CSMD1: variants seen among roughly 807,000 people sequenced by gnomAD.
The protein encoded by CSMD1 is CUB and Sushi multiple domains 1.
Under a neutral mutation model 417.5 loss-of-function variants are expected in CSMD1, and 213 were observed. The observed-to-expected ratio is 0.51, with a 90% CI of 0.46 to 0.57. The LOEUF (loss-of-function observed/expected upper bound fraction) is 0.57, where lower values mean the gene tolerates loss of function less well. Among genes scored for constraint, CSMD1 ranks in the 20% least tolerant of loss-of-function variants. CSMD1 has a pLI of 0.00. For synonymous variants in CSMD1, 2,862 were observed against 1,736.8 expected, an observed-to-expected ratio of 1.65 and a Z score of -16.11; for missense variants, 6,923 against 4,529.7, an observed-to-expected ratio of 1.53 and a Z score of -15.17.
chr8:4,094,382 A>G (rs1800889496), intron 3 of CSMD1, among the ~76,000 whole-genome samples: 1 of 152,010 alleles, frequency 6.6e-6, no homozygotes, highest in African/African-American at 2.4e-5. Flanking sequence ...AGTGGGTCAT[A>G]TTTAGTTTTG....
intron 1 of CSMD1, among the ~76,000 whole-genome samples, chr8:4,884,222 T>C (rs1044326536): frequency 2.0e-5 from 3 of 151,784 alleles, no homozygotes; most frequent in Non-Finnish European, 4.4e-5. Flanking sequence ...TGTGTGTGTG[T>C]ACACACACAC....
intron 1 of CSMD1, among the ~76,000 whole-genome samples, chr8:4,911,193 C>T (rs1805647311): frequency 1.3e-5 from 2 of 152,208 alleles, no homozygotes; most frequent in African/African-American, 4.8e-5. Context: ...TACCAATGCA[C>T]ATTAAAGATT....
chr8:3,296,563 A>G (rs1803982780), intron 25 of CSMD1, among the ~76,000 whole-genome samples: 1 of 152,156 alleles, frequency 6.6e-6, no homozygotes, highest in Non-Finnish European at 1.5e-5. Context: ...TCTGTTGACA[A>G]CATGCCATGG....
chr8:3,599,176 T>TGTGA (rs1554483066), intron 8 of CSMD1, among the ~76,000 whole-genome samples: 234 of 151,158 alleles, frequency 1.5e-3, no homozygotes, highest in South Asian at 7.3e-3. Flanking sequence ...TGTGTGTGTG[T>TGTGA]GTGTGAGATG....
At chr8:4,327,937 A>C (rs1173212997) in intron 3 of CSMD1, among the ~76,000 whole-genome samples, 1 of 152,138 alleles carries the variant, frequency 6.6e-6, no homozygotes, top group Non-Finnish European at 1.5e-5. Context: ...TAATTGGCAC[A>C]TTTTCCACTG....
intron 2 of CSMD1, among the ~76,000 whole-genome samples, chr8:4,525,661 C>G (rs1796476474): frequency 6.6e-6 from 1 of 152,158 alleles, no homozygotes; most frequent in Admixed American, 6.5e-5. Flanking sequence ...GCCACAACCA[C>G]AATTACTTTT....
intron 5 of CSMD1, among the ~76,000 whole-genome samples, chr8:3,906,917 C>G (rs183961557): frequency 1.3e-5 from 2 of 152,270 alleles, no homozygotes; most frequent in East Asian, 1.9e-4. Flanking sequence ...CTGAACTTGA[C>G]AAGTGAACCT....
intron 49 of CSMD1, among the ~76,000 whole-genome samples, chr8:3,054,338 C>T (rs538534311): frequency 1.8e-4 from 27 of 152,150 alleles, no homozygotes; most frequent in Non-Finnish European, 3.5e-4. Flanking sequence ...TACATGTGGG[C>T]CGGGCACAGT....
At chr8:3,031,629 G>C (rs1810347009) in intron 50 of CSMD1, among the ~76,000 whole-genome samples, 2 of 151,790 alleles carry the variant, frequency 1.3e-5, no homozygotes, top group Non-Finnish European at 2.9e-5. Context: ...TGAAGTCTTG[G>C]GTCAAGTGAT....
At chr8:3,857,894 T>A (rs1458884173) in intron 5 of CSMD1, among the ~76,000 whole-genome samples, 1 of 152,238 alleles carries the variant, frequency 6.6e-6, no homozygotes, top group East Asian at 1.9e-4. Context: ...AGGGATTGCT[T>A]CCGTCCTTAA....
chr8:4,067,866 C>T (rs1417325382), intron 3 of CSMD1, among the ~76,000 whole-genome samples: 3 of 152,068 alleles, frequency 2.0e-5, no homozygotes, highest in African/African-American at 7.2e-5. Context: ...ATCATGAGGT[C>T]AAGAGATGGA....
chr8:4,386,945 T>C (rs547387231), intron 3 of CSMD1, among the ~76,000 whole-genome samples: 3 of 152,094 alleles, frequency 2.0e-5, no homozygotes, highest in East Asian at 3.8e-4. Context: ...GATAGAAAAA[T>C]CATGAAGTGT....
chr8:4,124,224 G>A (rs1483653148), intron 3 of CSMD1, among the ~76,000 whole-genome samples: 2 of 152,154 alleles, frequency 1.3e-5, no homozygotes, highest in African/African-American at 4.8e-5. Context: ...GGGCTCCTGG[G>A]CAGGGGAGTG....
At chr8:4,193,799 C>G (rs542984133) in intron 3 of CSMD1, among the ~76,000 whole-genome samples, 113 of 152,126 alleles carry the variant, frequency 7.4e-4, no homozygotes, top group African/African-American at 2.4e-3. Flanking sequence ...TCGAAGGATG[C>G]TATGGCGAGA....
intron 5 of CSMD1, among the ~76,000 whole-genome samples, chr8:3,862,460 C>G (rs1025268064): frequency 6.6e-6 from 1 of 152,164 alleles, no homozygotes; most frequent in Non-Finnish European, 1.5e-5. Context: ...TCTCGTAATT[C>G]AAATGTGAGC....
At chr8:4,367,699 A>T (rs563451195) in intron 3 of CSMD1, among the ~76,000 whole-genome samples, 2 of 152,134 alleles carry the variant, frequency 1.3e-5, no homozygotes, top group Non-Finnish European at 2.9e-5. Context: ...ATGAGCACTG[A>T]ATGGTTTTCA....
At chr8:3,375,412 T>C (rs1810243024) in intron 18 of CSMD1, among the ~76,000 whole-genome samples, 1 of 152,122 alleles carries the variant, frequency 6.6e-6, no homozygotes, top group African/African-American at 2.4e-5. Flanking sequence ...TTTTCCATCA[T>C]TTTCTTGTTC....
intron 6 of CSMD1, among the ~76,000 whole-genome samples, chr8:3,709,709 T>TTTTTTTTTTTTTTTTTTTTTTTTTTTC (rs1554518391): frequency 7.7e-6 from 1 of 129,510 alleles, no homozygotes; most frequent in African/African-American, 2.9e-5. Flanking sequence ...TTTTTTTTTT[T>TTTTTTTTTTTTTTTTTTTTTTTTTTTC]CCCTGCTTTC....
intron 2 of CSMD1, among the ~76,000 whole-genome samples, chr8:4,599,783 T>C (rs577059979): frequency 1.3e-5 from 2 of 152,332 alleles, no homozygotes; most frequent in Admixed American, 6.5e-5. Context: ...ACACAGTGGA[T>C]ACTGTAAGCC....
Sources: allele counts gnomAD v4.1 joint callset (sites outside exome capture counted in the v4.1 genomes callset), GRCh38; gene constraint gnomAD v4.1.1; transcripts MANE v1.5; gene names NCBI Gene and HGNC (gene_info 2026-07-23, HGNC 2026-07-21).